Variants in CDC73 observed in about 807,000 individuals in gnomAD.
CDC73 encodes cell division cycle 73, also known as parafibromin.
A neutral mutation model predicts 83.7 loss-of-function variants in CDC73; 21 were observed. The observed-to-expected ratio is 0.25, with a 90% CI of 0.18 to 0.36. CDC73 has a LOEUF of 0.36. CDC73 is among the 10% of genes least tolerant of loss of function. The pLI, the probability that CDC73 is intolerant of heterozygous loss-of-function variation, is 1.00. For missense variants in CDC73, 342 were observed against 653.3 expected (o/e 0.52, Z 5.19); for synonymous variants, 224 against 212.9 (o/e 1.05, Z -0.45).
At chr1:193,171,893 T>G (rs1399216044) in intron 10 of CDC73, among the ~76,000 whole-genome samples, 1 of 152,070 alleles carries the variant, frequency 6.6e-6, no homozygotes, top group Non-Finnish European at 1.5e-5. Context: ...GAATAAAAAT[T>G]TTATGAATTT....
At chr1:193,180,164 A>C in intron 10 of CDC73, 1 of 823,398 alleles carries the variant, frequency 1.2e-6, no homozygotes, top group South Asian at 3.2e-5. Flanking sequence ...CAGAAATTAA[A>C]AAAATACTTC....
intron 10 of CDC73, chr1:193,161,152 TG>T (rs1024769973): frequency 2.3e-5 from 4 of 176,848 alleles, no homozygotes; most frequent in African/African-American, 9.5e-5. Context: ...TTTCTTTTAG[TG>T]TTGTTCTTCT....
intron 13 of CDC73, among the ~76,000 whole-genome samples, chr1:193,222,453 C>T (rs535643810): frequency 6.6e-6 from 1 of 152,212 alleles, no homozygotes; most frequent in Non-Finnish European, 1.5e-5. Context: ...GCAAAATGAT[C>T]TAGCCACTTT....
At chr1:193,172,856 C>T (rs1676540871) in intron 10 of CDC73, among the ~76,000 whole-genome samples, 1 of 152,110 alleles carries the variant, frequency 6.6e-6, no homozygotes, top group African/African-American at 2.4e-5. Context: ...CAAGATGTAC[C>T]AGTTTGATCA....
intron 10 of CDC73, chr1:193,180,530 C>T (rs1326086180): frequency 6.2e-7 from 1 of 1,614,086 alleles, no homozygotes; most frequent in East Asian, 2.2e-5. Context: ...AGACAGATCC[C>T]TACATATACA....
Position 193,200,818 on chromosome 1 carries a change from T to C in CDC73, c.973-2977T>C, listed in dbSNP as rs532970273. 5.9e-5 allele frequency among the ~76,000 whole-genome samples: 9 copies of C among 152,288 alleles called. 1 individual carries two copies. The highest frequency in any genetic ancestry group is 5.9e-4 in the Admixed American group (9 of 15,296). ...TTTGAAAAATGACTTCACCTTTGTC[T>C]CTTCATCTTTAGGGTGGAGGGTGGT... On this transcript the variant is annotated intron_variant, in intron 10 of 16. Coordinates refer to ENST00000367435, the MANE Select transcript of CDC73 (RefSeq NM_024529.5).
chr1:193,143,896 G>A (rs1675948547), intron 7 of CDC73, among the ~76,000 whole-genome samples: 1 of 152,042 alleles, frequency 6.6e-6, no homozygotes, highest in Non-Finnish European at 1.5e-5. Context: ...GACCAGTTGA[G>A]GTCAGGAGTT....
chr1:193,140,561 A>G (rs1440900056), intron 6 of CDC73, among the ~76,000 whole-genome samples: 1 of 152,172 alleles, frequency 6.6e-6, no homozygotes, highest in Non-Finnish European at 1.5e-5. Context: ...TTTTGGGGCC[A>G]TTGTTAGGTA....
chr1:193,254,139 A>T lies in CDC73; in HGVS notation c.*3427A>T, dbSNP rs1678093418. 2.0e-5 allele frequency among the ~76,000 whole-genome samples: 3 copies of T among 151,828 alleles called. No individual in the cohort carries two copies. The highest frequency in any genetic ancestry group is 2.1e-4 in the South Asian group (1 of 4,826). On this transcript the variant is annotated 3_prime_UTR_variant, in exon 17 of 17. Transcript: ENST00000367435. Reference sequence around the variant, plus strand: ...AGTCTTTTTAAATTTTTTATTTTTAATTTTTTTGGAAGTTTATTAAAGCCC... The same window carrying T: ...AGTCTTTTTAAATTTTTTATTTTTATTTTTTTTGGAAGTTTATTAAAGCCC...
At chr1:193,189,940 AG>A (rs974412776) in intron 10 of CDC73, among the ~76,000 whole-genome samples, 14 of 152,200 alleles carry the variant, frequency 9.2e-5, no homozygotes, top group African/African-American at 3.4e-4. Flanking sequence ...AGAGAAAGGT[AG>A]GGGGAGAGCA....
At chr1:193,127,288 AATGTGTGT>A (rs1160980643) in intron 2 of CDC73, among the ~76,000 whole-genome samples, 3 of 68,150 alleles carry the variant, frequency 4.4e-5, no homozygotes, top group African/African-American at 1.7e-4. Flanking sequence ...AAAAAAAAAA[AATGTGTGT>A]GTGTGTGTGT....
intron 13 of CDC73, among the ~76,000 whole-genome samples, chr1:193,221,529 T>C (rs1481159420): frequency 6.6e-6 from 1 of 152,160 alleles, no homozygotes; most frequent in African/African-American, 2.4e-5. Flanking sequence ...TTATACAAAA[T>C]TTACAGTAAG....
chr1:193,151,125 G>GT (rs1676100440), intron 9 of CDC73, among the ~76,000 whole-genome samples: 1 of 152,316 alleles, frequency 6.6e-6, no homozygotes, highest in South Asian at 2.1e-4. Context: ...TAATGTCAGT[G>GT]TAACTTCCTC....
In CDC73 at chr1:193,135,446, T is replaced by C; in HGVS notation, c.363T>C (p.Ser121=). The change falls in exon 4 of 17, where the codon TCT becomes TCC. Residue 121 remains serine (S), a synonymous_variant. Coordinates refer to ENST00000367435, the MANE Select transcript of CDC73 (RefSeq NM_024529.5). ...SAPLEIGLQR[S]TQVKRAADEV... ...CCTTAGAAATAGGTCTTCAGCGATC[T>C]ACTCAAGGTATGTCTTGTTGCATAT... 1.2e-6 allele frequency: 2 copies of C among 1,613,316 alleles called. No homozygotes were observed. Among genetic ancestry groups the C allele is most frequent in the Non-Finnish European group, 1.7e-6 (2 of 1,179,292 alleles).
In CDC73 at chr1:193,174,346, T is replaced by G. The variant is rs372570151; in HGVS notation, c.972+21902T>G. On this transcript the variant is annotated intron_variant, in intron 10 of 16. Coordinates refer to ENST00000367435, the MANE Select transcript of CDC73 (RefSeq NM_024529.5). Reference sequence around the variant, plus strand: ...CTAGTTATCTTGTTGTTCATTTGTTTCCTTTGATAATCTTTCTTTAAATAT... The same window carrying G: ...CTAGTTATCTTGTTGTTCATTTGTTGCCTTTGATAATCTTTCTTTAAATAT... Among the ~76,000 whole-genome samples the G allele has an allele frequency of 5.9e-5, 9 of 152,264 alleles. 1 individual carries two copies. In the East Asian group the frequency reaches 1.5e-3, roughly 26 times the overall value.
At chr1:193,227,549 A>G (rs1677586149) in intron 13 of CDC73, among the ~76,000 whole-genome samples, 1 of 152,272 alleles carries the variant, frequency 6.6e-6, no homozygotes, top group Middle Eastern at 3.4e-3. Flanking sequence ...GTAGATTATC[A>G]TAATAATAAT....
At chr1:193,246,195 C>A (rs899783557) in intron 15 of CDC73, among the ~76,000 whole-genome samples, 6 of 151,908 alleles carry the variant, frequency 3.9e-5, no homozygotes, top group African/African-American at 1.5e-4. Context: ...AGCCTTTTCC[C>A]AGACCAGTGT....
At chr1:193,240,953 T>C (rs1677846592) in intron 15 of CDC73, among the ~76,000 whole-genome samples, 2 of 152,220 alleles carry the variant, frequency 1.3e-5, no homozygotes, top group Non-Finnish European at 2.9e-5. Context: ...TCTCTTGTAT[T>C]CCACTCAGTT....
intron 10 of CDC73, among the ~76,000 whole-genome samples, chr1:193,188,376 A>G (rs916352980): frequency 2.0e-5 from 3 of 151,906 alleles, no homozygotes; most frequent in African/African-American, 4.8e-5. Flanking sequence ...TTTTAAATCT[A>G]TCTAGTACTA....
Sources: gnomAD v4.1 joint callset for allele counts (sites outside exome capture counted in the v4.1 genomes callset) on GRCh38, gnomAD v4.1.1 for gene constraint, MANE v1.5 for transcripts, NCBI Gene and HGNC (gene_info 2026-07-23, HGNC 2026-07-21) for gene names.